BTBD9: variants seen among roughly 807,000 people sequenced by gnomAD.
BTBD9 encodes BTB domain containing 9.
In BTBD9, 49 loss-of-function variants were observed where a neutral mutation model predicts 64.3. The ratio of observed to expected loss-of-function variants is 0.76; its 90% CI spans 0.61 to 0.97. BTBD9 has a LOEUF of 0.97. BTBD9 is among the 50% of genes least tolerant of loss of function. The pLI is 0.00. For missense variants in BTBD9, 598 were observed against 762.1 expected (o/e 0.78, Z 2.53); for synonymous variants, 260 against 274.7 (o/e 0.95, Z 0.53).
chr6:38,340,487 T>A (rs1011873953), intron 7 of BTBD9, among the ~76,000 whole-genome samples: 2 of 152,194 alleles, frequency 1.3e-5, no homozygotes, highest in Non-Finnish European at 2.9e-5. Flanking sequence ...TCATTACTAA[T>A]AACTGCAAGT....
At chr6:38,482,137 G>C (rs543152125) in intron 6 of BTBD9, 10 of 152,212 alleles carry the variant, frequency 6.6e-5, no homozygotes, top group African/African-American at 2.2e-4. Flanking sequence ...GTTCTCACTC[G>C]TTTGGGCACA....
At chr6:38,548,493 T>A (rs73733906) in intron 6 of BTBD9, among the ~76,000 whole-genome samples, 12 of 152,344 alleles carry the variant, frequency 7.9e-5, no homozygotes, top group African/African-American at 2.9e-4. Flanking sequence ...AAGTCATTTT[T>A]CCTTTTCCTT....
chr6:38,261,684 A>C (rs1387472205), intron 8 of BTBD9, among the ~76,000 whole-genome samples: 1 of 152,152 alleles, frequency 6.6e-6, no homozygotes, highest in East Asian at 1.9e-4. Flanking sequence ...TAGTCTATCG[A>C]TCTTTACCTC....
At chr6:38,442,230 G>T (rs1769065739) in intron 6 of BTBD9, among the ~76,000 whole-genome samples, 1 of 152,160 alleles carries the variant, frequency 6.6e-6, no homozygotes, top group African/African-American at 2.4e-5. Context: ...GCTCACACCT[G>T]TAATCCCAGC....
intron 1 of BTBD9, among the ~76,000 whole-genome samples, chr6:38,602,012 A>G (rs895826971): frequency 6.6e-6 from 1 of 152,208 alleles, no homozygotes; most frequent in African/African-American, 2.4e-5. Context: ...AACTCCACTG[A>G]AAGATTTAAG....
At chr6:38,512,690 T>C (rs1299616403) in intron 6 of BTBD9, among the ~76,000 whole-genome samples, 1 of 152,206 alleles carries the variant, frequency 6.6e-6, no homozygotes. Flanking sequence ...ACTAGTTTAA[T>C]AAATTTCACT....
intron 6 of BTBD9, among the ~76,000 whole-genome samples, chr6:38,436,001 G>T (rs1227728400): frequency 6.6e-6 from 1 of 151,640 alleles, no homozygotes; most frequent in Non-Finnish European, 1.5e-5. Flanking sequence ...ATAGGCCCAA[G>T]GGGACATTCA....
rs562163304 is a variant in BTBD9 at position 38,234,154 on chromosome 6, C to G, written c.1562+22255G>C. On this transcript the variant is annotated intron_variant, in intron 9 of 10. Coordinates refer to ENST00000481247, the MANE Select transcript of BTBD9 (RefSeq NM_001099272.2). ...TTCTTTAAATATAAACTCATCTGAC[C>G]TTGTGCTTCAGCACCTCTATTTGTT... Among the ~76,000 whole-genome samples the G allele has an allele frequency of 1.2e-4, 18 of 152,324 alleles. No homozygotes were observed. The East Asian group carries it at 3.1e-3, about 26-fold the overall frequency.
rs115818094 is a variant in BTBD9 at position 38,409,402 on chromosome 6, G to A, written c.1155-64309C>T. 6.7e-3 allele frequency among the ~76,000 whole-genome samples: 1,026 copies of A among 152,316 alleles called. 7 individuals are homozygous for A. Among genetic ancestry groups the A allele is most frequent in the Non-Finnish European group, 9.7e-3 (658 of 68,030 alleles). On this transcript the variant is annotated intron_variant, in intron 6 of 10. Transcript: ENST00000481247. ...TTAGTTTTGAAATGGGAGAAAAGATGTAAGATAGAGTACCCTGTAGTTGTT... is the reference window on the plus strand; with the variant it reads ...TTAGTTTTGAAATGGGAGAAAAGATATAAGATAGAGTACCCTGTAGTTGTT...
At chr6:38,550,806 T>C (rs1217526257) in intron 6 of BTBD9, among the ~76,000 whole-genome samples, 1 of 152,208 alleles carries the variant, frequency 6.6e-6, no homozygotes, top group Admixed American at 6.5e-5. Context: ...ACCTAGTAGT[T>C]AGAACAATCA....
At chr6:38,269,771 T>C (rs1021015516) in intron 8 of BTBD9, among the ~76,000 whole-genome samples, 5 of 152,206 alleles carry the variant, frequency 3.3e-5, no homozygotes, top group Non-Finnish European at 7.4e-5. Flanking sequence ...ATTTGTTTGG[T>C]TGAGGGAACA....
chr6:38,507,828 A>ATTTTTTTTTTTTTTTTTTTTT (rs34808509), intron 6 of BTBD9, among the ~76,000 whole-genome samples: 1 of 125,430 alleles, frequency 8.0e-6, no homozygotes, highest in African/African-American at 3.1e-5. Flanking sequence ...TGTCTCCCAA[A>ATTTTTTTTTTTTTTTTTTTTT]TTTTTTTTTT....
At chr6:38,286,597 G>T (rs560175639) in intron 8 of BTBD9, among the ~76,000 whole-genome samples, 1 of 152,178 alleles carries the variant, frequency 6.6e-6, no homozygotes, top group African/African-American at 2.4e-5. Flanking sequence ...AAAAAGAAGA[G>T]AAGAGAAAAA....
At chr6:38,549,095 G>A (rs1004871028) in intron 6 of BTBD9, among the ~76,000 whole-genome samples, 1 of 152,108 alleles carries the variant, frequency 6.6e-6, no homozygotes, top group African/African-American at 2.4e-5. Flanking sequence ...TTTTTTAAAA[G>A]TAACCTACAA....
intron 4 of BTBD9, among the ~76,000 whole-genome samples, chr6:38,586,829 G>A (rs561989701): frequency 6.6e-6 from 1 of 152,274 alleles, no homozygotes; most frequent in Non-Finnish European, 1.5e-5. Context: ...TTGGGAGGCT[G>A]AGGCAGGTGG....
intron 7 of BTBD9, among the ~76,000 whole-genome samples, chr6:38,295,538 C>T (rs1269429329): frequency 1.3e-5 from 2 of 152,290 alleles, no homozygotes; most frequent in African/African-American, 2.4e-5. Flanking sequence ...TTTTCTCCTA[C>T]AATTTCTCAA....
intron 6 of BTBD9, among the ~76,000 whole-genome samples, chr6:38,382,617 T>TA (rs1205826543): frequency 6.6e-6 from 1 of 150,718 alleles, no homozygotes; most frequent in Non-Finnish European, 1.5e-5. Flanking sequence ...AATGACACAG[T>TA]ACAGATAATT....
intron 1 of BTBD9, among the ~76,000 whole-genome samples, chr6:38,639,318 A>C (rs1316200046): frequency 6.6e-6 from 1 of 152,140 alleles, no homozygotes; most frequent in Non-Finnish European, 1.5e-5. Context: ...CTGATGCCGC[A>C]CGCAGGCACT....
At chr6:38,175,615 T>G (rs550044758) in intron 10 of BTBD9, among the ~76,000 whole-genome samples, 2 of 152,198 alleles carry the variant, frequency 1.3e-5, no homozygotes, top group Non-Finnish European at 2.9e-5. Context: ...GGTCCACAGA[T>G]AACGTCCACC....
Sources: gnomAD v4.1 joint callset for allele counts (sites outside exome capture counted in the v4.1 genomes callset) on GRCh38, gnomAD v4.1.1 for gene constraint, MANE v1.5 for transcripts, NCBI Gene and HGNC (gene_info 2026-07-23, HGNC 2026-07-21) for gene names.